LRMDA: variants seen among roughly 807,000 people sequenced by gnomAD.
LRMDA encodes the protein leucine-rich melanocyte differentiation-associated protein.
In LRMDA, 18 loss-of-function variants were observed where a neutral mutation model predicts 29.8. The ratio of observed to expected loss-of-function variants is 0.60; its 90% confidence interval spans 0.42 to 0.90. The LOEUF (loss-of-function observed/expected upper bound fraction) is 0.90, where lower values mean the gene tolerates loss of function less well. Ranked by LOEUF, LRMDA falls within the 40% of genes least tolerant of loss-of-function variation. The pLI is 0.00. For synonymous variants in LRMDA, 125 were observed against 109.4 expected (o/e 1.14, Z -0.89); for missense variants, 273 against 273.9 (o/e 1.00, Z 0.02).
chr10:75,900,654 G>T (rs1190775636), intron 2 of LRMDA, among the ~76,000 whole-genome samples: 1 of 152,112 alleles, frequency 6.6e-6, no homozygotes, highest in Non-Finnish European at 1.5e-5. Context: ...CACACAGATG[G>T]CCTTTCATGT....
intron 2 of LRMDA, among the ~76,000 whole-genome samples, chr10:76,017,163 ATG>A (rs1847892084): frequency 6.6e-6 from 1 of 152,184 alleles, no homozygotes; most frequent in Non-Finnish European, 1.5e-5. Context: ...AGATGCACAC[ATG>A]TGTGGGGCGG....
At chr10:76,278,452 G>A (rs1840163028) in intron 5 of LRMDA, among the ~76,000 whole-genome samples, 1 of 152,120 alleles carries the variant, frequency 6.6e-6, no homozygotes, top group Non-Finnish European at 1.5e-5. Flanking sequence ...TGTCCCCTAT[G>A]CTGCTAATCG....
At chr10:75,722,188 C>T (rs1842576971) in intron 2 of LRMDA, among the ~76,000 whole-genome samples, 1 of 152,090 alleles carries the variant, frequency 6.6e-6, no homozygotes, top group Non-Finnish European at 1.5e-5. Flanking sequence ...ATCCTAGGGC[C>T]TGCCAATATG....
At chr10:75,445,826 A>G (rs561873321) in intron 2 of LRMDA, among the ~76,000 whole-genome samples, 1 of 152,380 alleles carries the variant, frequency 6.6e-6, no homozygotes, top group South Asian at 2.1e-4. Flanking sequence ...TAATTGATCT[A>G]TGGCAACAGG....
At chr10:76,491,480 A>T (rs1409251166) in intron 6 of LRMDA, among the ~76,000 whole-genome samples, 1 of 151,780 alleles carries the variant, frequency 6.6e-6, no homozygotes, top group Non-Finnish European at 1.5e-5. Context: ...TTCCTTTGGC[A>T]CTTTAAATTA....
chr10:75,548,803 A>G (rs760693949), intron 2 of LRMDA, among the ~76,000 whole-genome samples: 23 of 152,176 alleles, frequency 1.5e-4, no homozygotes, highest in Admixed American at 6.5e-5. Context: ...CCTATCTGTA[A>G]TGGAGCCAGG....
chr10:76,373,890 T>C (rs921466516), intron 6 of LRMDA, among the ~76,000 whole-genome samples: 2 of 152,220 alleles, frequency 1.3e-5, no homozygotes, highest in Non-Finnish European at 2.9e-5. Flanking sequence ...GCTTTAGTAC[T>C]CAGAGTCCCA....
chr10:75,778,982 A>T (rs1201978163), intron 2 of LRMDA, among the ~76,000 whole-genome samples: 1 of 152,226 alleles, frequency 6.6e-6, no homozygotes, highest in African/African-American at 2.4e-5. Flanking sequence ...GCACCCAGCT[A>T]GATGTATGTC....
intron 5 of LRMDA, among the ~76,000 whole-genome samples, chr10:76,279,112 A>C (rs1177213742): frequency 6.6e-6 from 1 of 152,206 alleles, no homozygotes; most frequent in Non-Finnish European, 1.5e-5. Flanking sequence ...TACCTATAAT[A>C]TTATAAATGA....
rs1183989010 is a variant in LRMDA, at chr10:75,578,215, C to CAAAAAAAAAAA, written c.131+139735_131+139745dup. Among the ~76,000 whole-genome samples, 87 of 14,230 alleles carry CAAAAAAAAAAA rather than the reference C, an allele frequency of 6.1e-3. 19 individuals carry two copies. The highest frequency in any genetic ancestry group is 0.041 in the East Asian group (4 of 98). 9.3% of individuals were successfully genotyped at this position (14,230 alleles called of 152,430 possible). The stretch of plus-strand genomic sequence containing the variant: ...GTATATTTACCAAGCAAATGGAAAG[C>CAAAAAAAAAAA]AAAAAAAAAAAAAAAAAAAAAAAAG... On this transcript the variant is annotated intron_variant, in intron 2 of 6. Transcript: ENST00000611255.
At chr10:76,143,761 C>A (rs1224056563) in intron 5 of LRMDA, among the ~76,000 whole-genome samples, 1 of 152,224 alleles carries the variant, frequency 6.6e-6, no homozygotes, top group East Asian at 1.9e-4. Flanking sequence ...ACATGAAGTC[C>A]TTGCCCATGC....
At chr10:75,934,509 C>A (rs1351069527) in intron 2 of LRMDA, among the ~76,000 whole-genome samples, 1 of 152,084 alleles carries the variant, frequency 6.6e-6, no homozygotes, top group Non-Finnish European at 1.5e-5. Flanking sequence ...TAGATTTCTT[C>A]TGTTTAAATA....
At chr10:76,102,409 G>A (rs1036133587) in intron 5 of LRMDA, among the ~76,000 whole-genome samples, 1 of 151,962 alleles carries the variant, frequency 6.6e-6, no homozygotes, top group Non-Finnish European at 1.5e-5. Context: ...CATTAAGTAG[G>A]CCCCATTGTT....
At chr10:76,339,890 CATCTTTTAT>C (rs1216719963) in intron 6 of LRMDA, among the ~76,000 whole-genome samples, 1 of 151,994 alleles carries the variant, frequency 6.6e-6, no homozygotes, top group Non-Finnish European at 1.5e-5. Flanking sequence ...AGTAGCATCT[CATCTTTTAT>C]AATTTATTCC....
At chr10:75,579,013 A>G (rs1281918695) in intron 2 of LRMDA, among the ~76,000 whole-genome samples, 1 of 152,198 alleles carries the variant, frequency 6.6e-6, no homozygotes, top group Non-Finnish European at 1.5e-5. Context: ...GAACTAGAGA[A>G]GCAGGAGCAA....
At chr10:75,498,031 ATT>A (rs1845067351) in intron 2 of LRMDA, among the ~76,000 whole-genome samples, 1 of 151,348 alleles carries the variant, frequency 6.6e-6, no homozygotes, top group Non-Finnish European at 1.5e-5. Flanking sequence ...CCAACAAAGT[ATT>A]GAAGTTCTGG....
chr10:75,743,440 C>A (rs1842854228), intron 2 of LRMDA: 1 of 152,182 alleles, frequency 6.6e-6, no homozygotes, highest in Non-Finnish European at 1.5e-5. Context: ...TCTGGTAACT[C>A]CTAAGCCTGC....
rs148138884 is a variant in LRMDA at position 75,765,460 on chromosome 10, G to A, written c.132-270548G>A. On this transcript the variant is annotated intron_variant, in intron 2 of 6. Transcript: ENST00000611255. ...TATTTCTCTCCCCAGCCTTGAAAAA[G>A]GCACCTGGATTGCAGCTGGATCACG... Among the ~76,000 whole-genome samples, 1,280 of 152,240 alleles carry A rather than the reference G, an allele frequency of 8.4e-3. 15 individuals are homozygous for A. Among genetic ancestry groups the A allele is most frequent in the African/African-American group, 0.029 (1,218 of 41,534 alleles).
intron 5 of LRMDA, among the ~76,000 whole-genome samples, chr10:76,196,450 A>C (rs1851332010): frequency 6.6e-6 from 1 of 152,154 alleles, no homozygotes; most frequent in African/African-American, 2.4e-5. Context: ...CTGAGGCTTG[A>C]CCATGTTTTC....
Sources: gnomAD v4.1 joint callset for allele counts (sites outside exome capture counted in the v4.1 genomes callset) on GRCh38, gnomAD v4.1.1 for gene constraint, MANE v1.5 for transcripts, NCBI Gene and HGNC (gene_info 2026-07-23, HGNC 2026-07-21) for gene names.